MED15: variants seen among roughly 807,000 people sequenced by gnomAD.
The protein encoded by MED15 is mediator complex subunit 15, also known as mediator of RNA polymerase II transcription subunit 15.
Under a neutral mutation model 118.7 loss-of-function variants are expected in MED15, and 41 were observed. The observed-to-expected ratio is 0.35, with a 90% CI of 0.27 to 0.45. The LOEUF (loss-of-function observed/expected upper bound fraction) is 0.45, where lower values mean the gene tolerates loss of function less well. MED15 is among the 20% of genes least tolerant of loss of function. The pLI is 1.00. For synonymous variants in MED15, 436 were observed against 413.9 expected (o/e 1.05, Z -0.65); for missense variants, 740 against 1,025.5 (o/e 0.72, Z 3.80).
chr22:20,563,636 C>T (rs751855249), intron 5 of MED15, among the ~76,000 whole-genome samples: 32 of 152,158 alleles, frequency 2.1e-4, no homozygotes, highest in Non-Finnish European at 4.4e-4. Flanking sequence ...ACTTAGTACA[C>T]ACACCCACAC....
At chr22:20,509,333 A>G (rs1046861509) in intron 1 of MED15, among the ~76,000 whole-genome samples, 1 of 152,180 alleles carries the variant, frequency 6.6e-6, no homozygotes, top group African/African-American at 2.4e-5. Context: ...AGGGCAGAGA[A>G]GAGAGACCAG....
chr22:20,567,208 T>A (rs1230007219), intron 7 of MED15, among the ~76,000 whole-genome samples: 1 of 152,242 alleles, frequency 6.6e-6, no homozygotes. Context: ...GAGTTAATGT[T>A]CTAAGCAAAT....
intron 1 of MED15, among the ~76,000 whole-genome samples, chr22:20,510,899 C>T (rs150386335): frequency 8.5e-5 from 13 of 152,234 alleles, no homozygotes; most frequent in Non-Finnish European, 1.8e-4. Flanking sequence ...GGATTAGGCA[C>T]GAGATGGGCA....
At chr22:20,538,293 A>G (rs2055158512) in intron 2 of MED15, among the ~76,000 whole-genome samples, 2 of 152,064 alleles carry the variant, frequency 1.3e-5, no homozygotes, top group Admixed American at 1.3e-4. Context: ...CTCTGTACCC[A>G]GGCTGGAGTG....
intron 9 of MED15, among the ~76,000 whole-genome samples, chr22:20,581,215 G>A (rs1192131444): frequency 3.3e-5 from 5 of 152,210 alleles, no homozygotes; most frequent in Admixed American, 6.5e-5. Flanking sequence ...GGAACAGGCA[G>A]GACAGAAAGA....
At chr22:20,552,631 C>G (rs766212322) in intron 3 of MED15, 1 of 369,874 alleles carries the variant, frequency 2.7e-6, no homozygotes, top group South Asian at 2.1e-5. Flanking sequence ...ATGACTGCTA[C>G]AGAAGTTCTC....
chr22:20,534,103 T>G (rs1402019002), intron 1 of MED15, among the ~76,000 whole-genome samples: 1 of 152,056 alleles, frequency 6.6e-6, no homozygotes, highest in African/African-American at 2.4e-5. Flanking sequence ...TGGTTGTCAC[T>G]CCCCAGACTC....
At chr22:20,534,504 G>A (rs1338945379) in intron 1 of MED15, among the ~76,000 whole-genome samples, 1 of 152,122 alleles carries the variant, frequency 6.6e-6, no homozygotes, top group Non-Finnish European at 1.5e-5. Flanking sequence ...ACCTGTGAGA[G>A]AGTGAGACAT....
chr22:20,583,011 A>C (rs754088096), intron 11 of MED15, 44 bp downstream of exon 11: 1 of 1,592,030 alleles, frequency 6.3e-7, no homozygotes, highest in Non-Finnish European at 8.6e-7. Context: ...CACCTTTATG[A>C]GGCCTCAGCT....
intron 4 of MED15, 78 bp downstream of exon 4, chr22:20,553,252 C>T: frequency 1.4e-6 from 2 of 1,427,222 alleles, no homozygotes; most frequent in Non-Finnish European, 2.0e-6. Flanking sequence ...GTGCATGCCT[C>T]ATGTGCCTGG....
chr22:20,540,797 G>C (rs5757854), intron 2 of MED15, among the ~76,000 whole-genome samples: 1 of 152,052 alleles, frequency 6.6e-6, no homozygotes, highest in Non-Finnish European at 1.5e-5. Flanking sequence ...ACTGTCATAA[G>C]AGGGAAAAAC....
chr22:20,579,680 G>A (rs1343731713), intron 9 of MED15, among the ~76,000 whole-genome samples: 2 of 152,138 alleles, frequency 1.3e-5, no homozygotes, highest in Non-Finnish European at 2.9e-5. Context: ...CTGCTGTGTG[G>A]GTCCCTTTCC....
At chr22:20,508,002 A>G (rs1184636881) in intron 1 of MED15, 5 of 1,422,090 alleles carry the variant, frequency 3.5e-6, no homozygotes, top group South Asian at 1.5e-5. Flanking sequence ...GAGCTTTCTC[A>G]TTCGTCATTT....
At chr22:20,521,471 A>G (rs2054455264) in intron 1 of MED15, among the ~76,000 whole-genome samples, 1 of 149,990 alleles carries the variant, frequency 6.7e-6, no homozygotes, top group Non-Finnish European at 1.5e-5. Context: ...ATCTTGGCTC[A>G]CTGCAAGCTC....
chr22:20,513,395 C>T (rs2054146036), intron 1 of MED15, among the ~76,000 whole-genome samples: 1 of 151,928 alleles, frequency 6.6e-6, no homozygotes, highest in Non-Finnish European at 1.5e-5. Flanking sequence ...TTCTCTGCCT[C>T]AGCCTCCAGA....
intron 1 of MED15, among the ~76,000 whole-genome samples, chr22:20,517,360 A>G (rs1195386712): frequency 6.6e-6 from 1 of 152,138 alleles, no homozygotes; most frequent in Non-Finnish European, 1.5e-5. Context: ...CCTGTGCTCC[A>G]TCATACCAAG....
At chr22:20,549,749 G>A (rs1223028266) in intron 2 of MED15, among the ~76,000 whole-genome samples, 2 of 152,130 alleles carry the variant, frequency 1.3e-5, no homozygotes, top group African/African-American at 4.8e-5. Flanking sequence ...CCTCACGCTG[G>A]TCTGGTAGCA....
At chr22:20,583,075 G>A (rs2057036816) in intron 11 of MED15, 38 bp from the exon 12 acceptor site, 4 of 1,558,302 alleles carry the variant, frequency 2.6e-6, no homozygotes, top group Admixed American at 1.8e-5. Context: ...CCCACCCGAG[G>A]GTCGAGGGCT....
At chr22:20,570,099 ACTGCAACCT>A (rs2056590135) in intron 8 of MED15, among the ~76,000 whole-genome samples, 2 of 152,172 alleles carry the variant, frequency 1.3e-5, no homozygotes, top group South Asian at 4.1e-4. Context: ...ATCTTGGCTC[ACTGCAACCT>A]CTGCCTCCTG....
Sources: allele counts gnomAD v4.1 joint callset (sites outside exome capture counted in the v4.1 genomes callset), GRCh38; gene constraint gnomAD v4.1.1; transcripts MANE v1.5; gene names NCBI Gene and HGNC (gene_info 2026-07-23, HGNC 2026-07-21).